Variants in SOD2 observed in about 807,000 individuals in gnomAD.
SOD2 encodes the protein superoxide dismutase 2.
In SOD2, 11 loss-of-function variants were observed where a neutral mutation model predicts 27.0. The ratio of observed to expected loss-of-function variants is 0.41; its 90% CI spans 0.26 to 0.67. The LOEUF is 0.67. Among genes scored for constraint, SOD2 ranks in the 30% least tolerant of loss-of-function variants. The pLI, the probability that SOD2 is intolerant of heterozygous loss-of-function variation, is 0.34. For synonymous variants in SOD2, 105 were observed against 103.0 expected, an observed-to-expected ratio of 1.02 and a Z score of -0.12; for missense variants, 250 against 274.5, an observed-to-expected ratio of 0.91 and a Z score of 0.63.
Position 159,693,218 on chromosome 6 carries a change from G to T in SOD2, c.-51C>A, listed in dbSNP as rs757669995. On this transcript the variant is annotated 5_prime_UTR_variant, in exon 1 of 5. Transcript: ENST00000538183. ...ATGCCGCCGATCTGCTGAAGCCGCT[G>T]CCGAAGCCACCACAGCCACGAGTGC... is the stretch of plus-strand genomic sequence containing the variant. The T allele has an allele frequency of 2.0e-6, 3 of 1,493,946 alleles. No individual in the cohort carries two copies. Among genetic ancestry groups the T allele is most frequent in the Non-Finnish European group, 2.7e-6 (3 of 1,113,154 alleles). The allele number at this position is 1,493,946 out of a possible 1,614,324, so 92.5% of individuals were successfully genotyped here.
exon 1 of SOD2, chr6:159,761,263 C>T (rs1780118454): frequency 4.1e-6 from 1 of 242,086 alleles, no homozygotes. Context: ...GCCTGGAAAC[C>T]CTAGAAAGCT....
At chr6:159,727,800 C>T (rs908334536), upstream of SOD2, 1 of 875,764 alleles carries the variant, frequency 1.1e-6, no homozygotes, top group Non-Finnish European at 1.4e-6. Context: ...GCGGGCAGGG[C>T]CCGAAAGGCC....
chr6:159,750,324 A>C (rs180719657), intron 1 of SOD2, among the ~76,000 whole-genome samples: 1 of 152,200 alleles, frequency 6.6e-6, no homozygotes, highest in Non-Finnish European at 1.5e-5. Context: ...TTTCTTTGAC[A>C]CTTAGATAAC....
chr6:159,742,681 T>C (rs1181731326), intron 1 of SOD2, among the ~76,000 whole-genome samples: 1 of 152,208 alleles, frequency 6.6e-6, no homozygotes, highest in Non-Finnish European at 1.5e-5. Flanking sequence ...CCAATATATA[T>C]TGTTTTGTAA....
upstream of SOD2, chr6:159,727,663 C>T (rs1316243386): frequency 2.5e-5 from 25 of 984,794 alleles, no homozygotes; most frequent in Admixed American, 1.9e-4. Context: ...CGGCCTCGGC[C>T]TATGCGACCG....
chr6:159,684,451 T>C (rs1382313821), intron 4 of SOD2, among the ~76,000 whole-genome samples: 2 of 151,588 alleles, frequency 1.3e-5, no homozygotes, highest in Non-Finnish European at 2.9e-5. Flanking sequence ...ACCCTGTCTG[T>C]ACTAAAAACA....
chr6:159,705,517 A>G (rs530080931), intron 1 of SOD2, among the ~76,000 whole-genome samples: 2 of 152,272 alleles, frequency 1.3e-5, no homozygotes, highest in Non-Finnish European at 2.9e-5. Flanking sequence ...AAGAAAGGGT[A>G]TCAGTGATTG....
intron 1 of SOD2, among the ~76,000 whole-genome samples, chr6:159,735,951 C>T (rs1389783501): frequency 2.0e-5 from 3 of 151,938 alleles, no homozygotes; most frequent in African/African-American, 4.8e-5. Flanking sequence ...CCCTTTATGG[C>T]GACATCAAAT....
At chr6:159,727,427 G>T (rs1167725933), upstream of SOD2, 22 of 1,063,746 alleles carry the variant, frequency 2.1e-5, no homozygotes, top group African/African-American at 2.2e-4. Context: ...CCTGCGGCGC[G>T]TTCGGACCGG....
At chr6:159,694,198 T>G (rs941169132), upstream of SOD2, among the ~76,000 whole-genome samples, 6 of 152,214 alleles carry the variant, frequency 3.9e-5, no homozygotes, top group Admixed American at 2.0e-4. Flanking sequence ...CTGCGCTGTC[T>G]TGTAGCCTAG....
In SOD2 at chr6:159,680,140, G is replaced by A. The variant is rs1779882810; in HGVS notation, c.*2353C>T. The A allele has an allele frequency of 1.3e-5, 2 of 152,192 alleles. No homozygotes were observed. The highest frequency in any genetic ancestry group is 2.1e-4 in the South Asian group (1 of 4,832). 9.4% of individuals were successfully genotyped at this position (152,192 alleles called of 1,614,324 possible). On this transcript the variant is annotated 3_prime_UTR_variant, in exon 5 of 5. Transcript: ENST00000538183. ...AACATTTTTTAAATCTTAAAGCTTA[G>A]TAGGAATCAAAAAGCTTTATATAAG...
In SOD2 at chr6:159,669,462, T is replaced by G. The variant is rs189406855; in HGVS notation, c.*13031A>C. ...TTTCTCCCTTTAAATCTAATAATAT[T>G]TGCTTTATATCTGGGTCATCCAGTG... On this transcript the variant is annotated 3_prime_UTR_variant, in exon 5 of 5. Coordinates refer to ENST00000538183, the MANE Select transcript of SOD2 (RefSeq NM_000636.4). 7 of 152,286 alleles carry G rather than the reference T, an allele frequency of 4.6e-5. No homozygotes were observed. The East Asian group carries it at 1.2e-3, about 25-fold the overall frequency. The allele number at this position is 152,286 out of a possible 1,614,324, so 9.4% of individuals were successfully genotyped here.
At chr6:159,752,717 G>A (rs578235745) in intron 1 of SOD2, among the ~76,000 whole-genome samples, 1 of 152,024 alleles carries the variant, frequency 6.6e-6, no homozygotes, top group Admixed American at 6.6e-5. Context: ...TAATATTCTT[G>A]AGAGTTATGG....
chr6:159,737,327 A>G (rs887294762), intron 1 of SOD2, among the ~76,000 whole-genome samples: 2 of 152,088 alleles, frequency 1.3e-5, no homozygotes, highest in Non-Finnish European at 2.9e-5. Context: ...CTGGGATAAT[A>G]GGCATGAGCT....
chr6:159,729,769 C>T (rs1778453271), upstream of SOD2, among the ~76,000 whole-genome samples: 1 of 152,186 alleles, frequency 6.6e-6, no homozygotes, highest in South Asian at 2.1e-4. Flanking sequence ...ACAGTGTCTG[C>T]AGATTGGTGT....
intron 1 of SOD2, chr6:159,739,152 C>A (rs1167900788): frequency 2.3e-6 from 2 of 885,038 alleles, no homozygotes; most frequent in Non-Finnish European, 3.4e-6. Context: ...GTTGTTCTAT[C>A]CTCAAATAAT....
intron 2 of SOD2, chr6:159,691,831 C>A (rs550702844): frequency 2.0e-4 from 30 of 152,206 alleles, no homozygotes; most frequent in African/African-American, 7.2e-4. Flanking sequence ...GGGCTATTTT[C>A]CTTGTGAACT....
At chr6:159,685,175 A>C (rs755522850) in intron 3 of SOD2, 142 bp from the exon 4 acceptor site, 3 of 390,342 alleles carry the variant, frequency 7.7e-6, no homozygotes, top group Non-Finnish European at 1.3e-5. Context: ...CCTGGATCTA[A>C]GTTTCACAAT....
chr6:159,733,643 G>A (rs148653957), intron 1 of SOD2, among the ~76,000 whole-genome samples: 2,284 of 151,430 alleles, frequency 0.015, 57 homozygotes, highest in African/African-American at 0.052. Flanking sequence ...AGCCCAGCAC[G>A]CTGGCTCATG....
Sources: allele counts gnomAD v4.1 joint callset (sites outside exome capture counted in the v4.1 genomes callset), GRCh38; gene constraint gnomAD v4.1.1; transcripts MANE v1.5; gene names NCBI Gene and HGNC (gene_info 2026-07-23, HGNC 2026-07-21).